The following CFAP299 variants were observed in gnomAD, a reference collection of about 807,000 sequenced individuals.
CFAP299 encodes cilia- and flagella-associated protein 299.
A neutral mutation model predicts 27.0 loss-of-function variants in CFAP299; 21 were observed. That is an observed-to-expected ratio of 0.78 (90% CI 0.55 to 1.12). The LOEUF (loss-of-function observed/expected upper bound fraction) is 1.12, where lower values mean the gene tolerates loss of function less well. CFAP299 is among the 50% of genes most tolerant of loss of function. The pLI, the probability that CFAP299 is intolerant of heterozygous loss-of-function variation, is 0.00. For missense variants in CFAP299, 310 were observed against 276.6 expected, an observed-to-expected ratio of 1.12 and a Z score of -0.86; for synonymous variants, 104 against 98.1, an observed-to-expected ratio of 1.06 and a Z score of -0.36.
At chr4:80,719,315 AT>A (rs1722683845) in intron 3 of CFAP299, among the ~76,000 whole-genome samples, 1 of 152,216 alleles carries the variant, frequency 6.6e-6, no homozygotes. Context: ...ACCTAAAAAA[AT>A]AAAATAAAGA....
chr4:80,464,003 G>A (rs1729586691), intron 2 of CFAP299, among the ~76,000 whole-genome samples: 1 of 152,116 alleles, frequency 6.6e-6, no homozygotes, highest in Non-Finnish European at 1.5e-5. Flanking sequence ...ATGCATAAAA[G>A]TATCCATATT....
chr4:80,438,444 T>G (rs757622940), intron 2 of CFAP299, among the ~76,000 whole-genome samples: 5 of 152,222 alleles, frequency 3.3e-5, no homozygotes, highest in African/African-American at 4.8e-5. Flanking sequence ...TTATTTTTCT[T>G]CTACCAACAT....
chr4:80,805,650 C>T (rs987793922), intron 3 of CFAP299, among the ~76,000 whole-genome samples: 4 of 151,678 alleles, frequency 2.6e-5, no homozygotes, highest in East Asian at 1.9e-4. Context: ...TCAAGACTAG[C>T]GTGGGCAACA....
chr4:80,946,097 C>CAAA (rs540972506), intron 5 of CFAP299, among the ~76,000 whole-genome samples: 3 of 99,288 alleles, frequency 3.0e-5, no homozygotes, highest in Admixed American at 1.1e-4. Flanking sequence ...AACTCCGTCT[C>CAAA]AAAAAAAAAA....
At chr4:80,887,705 G>T (rs1217020001) in intron 4 of CFAP299, among the ~76,000 whole-genome samples, 1 of 152,018 alleles carries the variant, frequency 6.6e-6, no homozygotes, top group East Asian at 1.9e-4. Context: ...TGTAATTGTG[G>T]TATAAATTAC....
intron 4 of CFAP299, among the ~76,000 whole-genome samples, chr4:80,894,350 A>G (rs990919274): frequency 6.6e-6 from 1 of 151,996 alleles, no homozygotes; most frequent in Non-Finnish European, 1.5e-5. Flanking sequence ...TGCTTAAACC[A>G]ACTTCAGTAG....
intron 2 of CFAP299, among the ~76,000 whole-genome samples, chr4:80,428,059 G>A (rs1039076196): frequency 2.6e-5 from 4 of 152,158 alleles, no homozygotes; most frequent in South Asian, 2.1e-4. Context: ...ATGCTAGACA[G>A]CAAGCCACTG....
At chr4:80,524,520 A>G (rs1052209804) in intron 2 of CFAP299, among the ~76,000 whole-genome samples, 3 of 151,932 alleles carry the variant, frequency 2.0e-5, no homozygotes, top group African/African-American at 7.3e-5. Context: ...GAGGGGTAAA[A>G]TCACCACTAA....
At chr4:80,805,789 G>A (rs867233445) in intron 3 of CFAP299, among the ~76,000 whole-genome samples, 28 of 152,272 alleles carry the variant, frequency 1.8e-4, no homozygotes, top group South Asian at 4.2e-4. Context: ...CAGGAGGCTC[G>A]CTTGAGCCTG....
At chr4:80,908,911 C>G (rs1404766404) in intron 4 of CFAP299, among the ~76,000 whole-genome samples, 1 of 152,068 alleles carries the variant, frequency 6.6e-6, no homozygotes, top group Non-Finnish European at 1.5e-5. Flanking sequence ...CAAGCACACA[C>G]ACACACACAT....
At chr4:80,461,517 C>A (rs80204136) in intron 2 of CFAP299, among the ~76,000 whole-genome samples, 2 of 152,032 alleles carry the variant, frequency 1.3e-5, no homozygotes, top group Non-Finnish European at 2.9e-5. Context: ...GTTTGGTCAG[C>A]CTTAAGGTCT....
At chr4:80,501,605 A>C (rs776972322) in intron 2 of CFAP299, among the ~76,000 whole-genome samples, 1 of 150,204 alleles carries the variant, frequency 6.7e-6, no homozygotes, top group Non-Finnish European at 1.5e-5. Context: ...AATTTATTAA[A>C]ATTAGTTAAA....
chr4:80,371,769 A>C (rs1724162777), intron 2 of CFAP299, among the ~76,000 whole-genome samples: 1 of 152,120 alleles, frequency 6.6e-6, no homozygotes, highest in Non-Finnish European at 1.5e-5. Flanking sequence ...GCCTACCTTC[A>C]CTATTCATAT....
At position 80,498,458 on chromosome 4, in the gene CFAP299, A is replaced by G. The variant is rs560074671; in HGVS notation, c.243-84635A>G. On this transcript the variant is annotated intron_variant, in intron 2 of 5. Transcript: ENST00000358105. ...GACATAAACAGACACCTCTCAAAAC[A>G]AGACATACACGTGGCCTAACAAGCA... Among the ~76,000 whole-genome samples the G allele has an allele frequency of 5.9e-5, 9 of 152,294 alleles. No individual in the cohort carries two copies. The South Asian group carries it at 1.9e-3, about 32-fold the overall frequency.
intron 2 of CFAP299, among the ~76,000 whole-genome samples, chr4:80,407,586 C>G (rs73829279): frequency 3.9e-5 from 6 of 152,070 alleles, no homozygotes; most frequent in East Asian, 3.8e-4. Flanking sequence ...TCTTTCTGTA[C>G]GAGTTTGTTC....
intron 2 of CFAP299, among the ~76,000 whole-genome samples, chr4:80,451,856 A>G (rs1028707996): frequency 3.3e-5 from 5 of 152,228 alleles, no homozygotes; most frequent in Non-Finnish European, 7.3e-5. Context: ...ATTAGATTCC[A>G]TTAAATCTAA....
chr4:80,939,683 G>C lies in CFAP299; in HGVS notation c.477-5127G>C, dbSNP rs180880518. Among the ~76,000 whole-genome samples, 617 of 152,100 alleles carry C rather than the reference G, an allele frequency of 4.1e-3. 1 individual carries two copies. The highest frequency in any genetic ancestry group is 0.014 in the Middle Eastern group (4 of 294). ...AGGTCAGCCACATGAACTTTATTTT[G>C]TTTCTTTGGTAGTCTCATGTTTCCT... On this transcript the variant is annotated intron_variant, in intron 4 of 5. Transcript: ENST00000358105.
chr4:80,925,144 C>G (rs1578242835), intron 4 of CFAP299, among the ~76,000 whole-genome samples: 2 of 151,896 alleles, frequency 1.3e-5, no homozygotes, highest in Admixed American at 6.6e-5. Context: ...CTATGTCCCT[C>G]AATATGTGCC....
intron 3 of CFAP299, among the ~76,000 whole-genome samples, chr4:80,722,016 A>G (rs1374411156): frequency 4.6e-5 from 7 of 152,252 alleles, no homozygotes; most frequent in Non-Finnish European, 1.0e-4. Flanking sequence ...GGAACAAAGA[A>G]CATCAGAAAT....
Sources: allele counts gnomAD v4.1 joint callset (sites outside exome capture counted in the v4.1 genomes callset), GRCh38; gene constraint gnomAD v4.1.1; transcripts MANE v1.5; gene names NCBI Gene and HGNC (gene_info 2026-07-23, HGNC 2026-07-21).